TRIM24: variants seen among roughly 807,000 people sequenced by gnomAD.
TRIM24 encodes tripartite motif containing 24, also known as transcription intermediary factor 1-alpha.
A neutral mutation model predicts 123.9 loss-of-function variants in TRIM24; 29 were observed. That is an observed-to-expected ratio of 0.23 (90% CI 0.17 to 0.32). The LOEUF (loss-of-function observed/expected upper bound fraction) is 0.32. Ranked by LOEUF, TRIM24 falls within the 10% of genes least tolerant of loss-of-function variation. TRIM24 has a pLI of 1.00. For missense variants in TRIM24, 932 were observed against 1,295.3 expected, an observed-to-expected ratio of 0.72 and a Z score of 4.31; for synonymous variants, 456 against 461.1, an observed-to-expected ratio of 0.99 and a Z score of 0.14.
intron 12 of TRIM24, among the ~76,000 whole-genome samples, chr7:138,575,380 A>T (rs1797734530): frequency 6.6e-6 from 1 of 151,772 alleles, no homozygotes; most frequent in Admixed American, 6.6e-5. Flanking sequence ...GCAGCCTCAT[A>T]CGCTTGGGCT....
intron 1 of TRIM24, among the ~76,000 whole-genome samples, chr7:138,480,320 T>A (rs1795500344): frequency 6.6e-6 from 1 of 152,228 alleles, no homozygotes; most frequent in South Asian, 2.1e-4. Context: ...TGCTGTAACC[T>A]AGCTTTGTCT....
At chr7:138,578,568 G>GCGCA (rs1289061393) in intron 14 of TRIM24, among the ~76,000 whole-genome samples, 7 of 138,236 alleles carry the variant, frequency 5.1e-5, no homozygotes, top group African/African-American at 1.8e-4. Context: ...GTGTGTGCGC[G>GCGCA]CACGCACGAA....
intron 14 of TRIM24, among the ~76,000 whole-genome samples, chr7:138,578,036 A>G (rs9791462): frequency 0.26 from 38,975 of 151,880 alleles, 6,075 homozygotes; most frequent in East Asian, 0.5. Flanking sequence ...CCCCCAGTAC[A>G]GCAGCAGCAG....
chr7:138,567,633 G>A lies in TRIM24; in HGVS notation c.1683G>A (p.Leu561=), dbSNP rs770224407. The A allele has an allele frequency of 6.2e-7, 1 of 1,611,694 alleles. No individual in the cohort carries two copies. Among genetic ancestry groups the A allele is most frequent in the South Asian group, 1.1e-5 (1 of 90,602 alleles). Residue 561 remains leucine (L), a synonymous_variant, in exon 10 of 19, where the codon TTG becomes TTA. Transcript: ENST00000343526. ...CAAACCCCCTACAGATGGCTTTCTT[G>A]GCTCAACAAGCCATAAAACAGGTAT... The part of the protein sequence containing the change: ...IKPNPLQMAF[L]AQQAIKQWQI...
At chr7:138,548,122 G>C (rs1243370245) in intron 7 of TRIM24, among the ~76,000 whole-genome samples, 1 of 152,130 alleles carries the variant, frequency 6.6e-6, no homozygotes, top group African/African-American at 2.4e-5. Context: ...GTCATGTGTT[G>C]CTTGATGACG....
rs1798065919 is a variant in TRIM24 at position 138,589,172 on chromosome 7, T to C, written c.*4221T>C. The C allele has an allele frequency of 6.6e-6, 1 of 152,254 alleles. No individual in the cohort carries two copies. Among genetic ancestry groups the C allele is most frequent in the Admixed American group, 6.5e-5 (1 of 15,288 alleles). 9.4% of individuals were successfully genotyped at this position (152,254 alleles called of 1,614,324 possible). A position where few individuals can be genotyped will look rare whatever the true frequency, so the allele number is the denominator to read the frequency against. On this transcript the variant is annotated 3_prime_UTR_variant, in exon 19 of 19. Transcript: ENST00000343526. The stretch of plus-strand genomic sequence containing the variant: ...ATAAATGTTTATTGCATATTCATCT[T>C]GAATGTGAATTTACTGTTGTAATTC...
At chr7:138,503,149 A>C (rs1426869858) in intron 1 of TRIM24, among the ~76,000 whole-genome samples, 2 of 51,140 alleles carry the variant, frequency 3.9e-5, no homozygotes, top group African/African-American at 8.9e-5. Flanking sequence ...CATTTATGTA[A>C]GCCTTAAAAA....
At position 138,562,330 on chromosome 7, in the gene TRIM24, CAG is replaced by C. The variant is rs750082398; in HGVS notation, c.1531-5149_1531-5148del. 1.4e-4 allele frequency among the ~76,000 whole-genome samples: 21 copies of C among 152,262 alleles called. No homozygotes were observed. The East Asian group carries it at 2.1e-3, about 15-fold the overall frequency. On this transcript the variant is annotated intron_variant, in intron 9 of 18. Transcript: ENST00000343526. ...TGGGCTAATTGGTGCCAGGTGAAGA[CAG>C]AAGAATGCATCTTTCAGGTCTAGGC...
At position 138,468,898 on chromosome 7, in the gene TRIM24, C is replaced by G. The variant is rs558457908; in HGVS notation, c.364+7986C>G. ...CACAATCCCCGAATCTCTCTGGCTC[C>G]TTTGCTATGTTCTGCATTGGCTGTA... On this transcript the variant is annotated intron_variant, in intron 1 of 18. Coordinates refer to ENST00000343526, the MANE Select transcript of TRIM24 (RefSeq NM_015905.3). 2.3e-4 allele frequency among the ~76,000 whole-genome samples: 35 copies of G among 152,326 alleles called. 1 individual carries two copies. Among genetic ancestry groups the G allele is most frequent in the African/African-American group, 8.4e-4 (35 of 41,564 alleles).
rs1448297783 is a variant in TRIM24 at position 138,585,100 on chromosome 7, A to G, written c.*149A>G. 1 of 571,378 alleles carries G rather than the reference A, an allele frequency of 1.8e-6. No individual in the cohort carries two copies. The highest frequency in any genetic ancestry group is 1.9e-5 in the African/African-American group (1 of 51,690). 35.4% of individuals were successfully genotyped at this position (571,378 alleles called of 1,614,324 possible). A position where few individuals can be genotyped will look rare whatever the true frequency, so the allele number is the denominator to read the frequency against. On this transcript the variant is annotated 3_prime_UTR_variant, in exon 19 of 19. Transcript: ENST00000343526. Reference sequence around the variant, plus strand: ...TTTACTAGACTTTGATTTCCTTAATAGCCCATTTCTGTTAACCTCTTATCA... The same window carrying G: ...TTTACTAGACTTTGATTTCCTTAATGGCCCATTTCTGTTAACCTCTTATCA...
At chr7:138,565,552 G>A (rs2116658999) in intron 9 of TRIM24, among the ~76,000 whole-genome samples, 1 of 152,312 alleles carries the variant, frequency 6.6e-6, no homozygotes. Flanking sequence ...CAGTCTCACA[G>A]GCGAAGAGAC....
intron 2 of TRIM24, among the ~76,000 whole-genome samples, chr7:138,510,899 A>G (rs1796271365): frequency 6.6e-6 from 1 of 152,216 alleles, no homozygotes; most frequent in Non-Finnish European, 1.5e-5. Flanking sequence ...AATAAAATCT[A>G]TAAACTTCTA....
At chr7:138,490,129 C>T (rs1365145912) in intron 1 of TRIM24, among the ~76,000 whole-genome samples, 2 of 152,144 alleles carry the variant, frequency 1.3e-5, no homozygotes, top group Non-Finnish European at 2.9e-5. Flanking sequence ...ACCCTTTCTT[C>T]CACTTGATCG....
At chr7:138,577,985 A>G (rs1243027860) in intron 14 of TRIM24, among the ~76,000 whole-genome samples, 1 of 152,170 alleles carries the variant, frequency 6.6e-6, no homozygotes, top group Non-Finnish European at 1.5e-5. Flanking sequence ...AAGAAGACAT[A>G]AGATTCCAAA....
intron 1 of TRIM24, among the ~76,000 whole-genome samples, chr7:138,491,565 T>C (rs1007518581): frequency 2.4e-5 from 3 of 124,204 alleles, no homozygotes; most frequent in Non-Finnish European, 5.7e-5. Flanking sequence ...TATAGCACAT[T>C]TTATTTACAC....
At chr7:138,463,871 A>G (rs1795067726) in intron 1 of TRIM24, among the ~76,000 whole-genome samples, 1 of 152,038 alleles carries the variant, frequency 6.6e-6, no homozygotes, top group Non-Finnish European at 1.5e-5. Flanking sequence ...CCTAAAAAGA[A>G]TTAAAGTTAT....
intron 1 of TRIM24, among the ~76,000 whole-genome samples, chr7:138,482,064 A>G: frequency 6.6e-6 from 1 of 152,080 alleles, no homozygotes; most frequent in East Asian, 1.9e-4. Context: ...TCTCTTTCTC[A>G]GGCAGTTTTA....
At position 138,554,850 on chromosome 7, in the gene TRIM24, C is replaced by T. The variant is rs778120551; in HGVS notation, c.1414C>T (p.His472Tyr). 1.9e-6 allele frequency: 3 copies of T among 1,614,178 alleles called. No homozygotes were observed. Among genetic ancestry groups the T allele is most frequent in the Non-Finnish European group, 2.5e-6 (3 of 1,180,014 alleles). The change falls in exon 9 of 19, where the codon CAT becomes TAT. Residue 472 changes from histidine (H) to tyrosine (Y), a missense_variant. Transcript: ENST00000343526. This position sits in a 1 kb window ranked among gnomAD's most constrained non-coding sequence, Gnocchi z 4.5. The part of the protein sequence containing the change: ...QISLAQLRLQ[H>Y]MQQQVMAQRQ... ...CAGCCTAGCTCAATTACGGCTCCAGCATATGCAGCAACAGGTAATGGCTCA... is the reference window on the plus strand; with the variant it reads ...CAGCCTAGCTCAATTACGGCTCCAGTATATGCAGCAACAGGTAATGGCTCA...
In TRIM24 at chr7:138,508,700, C is replaced by CGCGCGCGCGCGCGCGTGTGT. The variant is rs1182276337; in HGVS notation, c.483+4293_483+4294insCGCGCGCGCGCGCGTGTGTG. Reference sequence around the variant, plus strand: ...GTGTGTGTGTGTGTGTGTGCGCGCGCGTGTGTGCGTGTGTGTGTGCGTGTG... The same window carrying CGCGCGCGCGCGCGCGTGTGT: ...GTGTGTGTGTGTGTGTGTGCGCGCGCGCGCGCGCGCGCGCGTGTGTGTGTGTGCGTGTGTGTGTGCGTGTG... On this transcript the variant is annotated intron_variant, in intron 2 of 18. Coordinates refer to ENST00000343526, the MANE Select transcript of TRIM24 (RefSeq NM_015905.3). Among the ~76,000 whole-genome samples, 19 of 35,574 alleles carry CGCGCGCGCGCGCGCGTGTGT rather than the reference C, an allele frequency of 5.3e-4. No individual in the cohort carries two copies. The East Asian group carries it at 0.01, about 19-fold the overall frequency. 23.3% of individuals were successfully genotyped at this position (35,574 alleles called of 152,430 possible).
Sources: allele counts gnomAD v4.1 joint callset (sites outside exome capture counted in the v4.1 genomes callset), GRCh38; gene constraint gnomAD v4.1.1; non-coding constraint Gnocchi (gnomAD v3.1); transcripts MANE v1.5; gene names NCBI Gene and HGNC (gene_info 2026-07-23, HGNC 2026-07-21).